CELF2: variants seen among roughly 807,000 people sequenced by gnomAD.
CELF2 encodes the protein CUG triplet repeat RNA-binding protein 2.
A neutral mutation model predicts 62.6 loss-of-function variants in CELF2; 8 were observed. The observed-to-expected ratio is 0.13, with a 90% confidence interval of 0.07 to 0.23. The LOEUF is 0.23. Among genes scored for constraint, CELF2 ranks in the 10% least tolerant of loss-of-function variants. CELF2 has a pLI of 1.00. For synonymous variants in CELF2, 258 were observed against 250.0 expected, an observed-to-expected ratio of 1.03 and a Z score of -0.30; for missense variants, 333 against 671.0, an observed-to-expected ratio of 0.50 and a Z score of 5.56.
the CELF2 span, among the ~76,000 whole-genome samples, chr10:10,731,232 A>C: frequency 1.2e-4 from 18 of 150,360 alleles, no homozygotes; most frequent in Non-Finnish European, 1.8e-4. Context: ...GGAAGCAAAG[A>C]TCCTGCAGAA....
At chr10:10,939,320 C>T (rs919166270) in intron 2 of CELF2, among the ~76,000 whole-genome samples, 9 of 143,646 alleles carry the variant, frequency 6.3e-5, no homozygotes, top group African/African-American at 9.0e-5. Flanking sequence ...CGGAGTCTCG[C>T]CTGTCACCCA....
chr10:10,590,709 T>C, the CELF2 span, among the ~76,000 whole-genome samples: 2 of 152,356 alleles, frequency 1.3e-5, no homozygotes, highest in Admixed American at 6.5e-5. Flanking sequence ...TCATGTTAGA[T>C]CTACCAGCAA....
the CELF2 span, among the ~76,000 whole-genome samples, chr10:10,607,407 A>G: frequency 6.6e-6 from 1 of 152,216 alleles, no homozygotes; most frequent in African/African-American, 2.4e-5. Context: ...TGTAGGTTCA[A>G]ACTACCAGTA....
At chr10:11,251,372 T>A (rs1442548375) in intron 4 of CELF2, among the ~76,000 whole-genome samples, 1 of 138,340 alleles carries the variant, frequency 7.2e-6, no homozygotes, top group Non-Finnish European at 1.5e-5. Context: ...GTTTGCAGAG[T>A]GTTTTGTTGT....
At chr10:10,787,850 G>A in the CELF2 span, among the ~76,000 whole-genome samples, 3 of 152,090 alleles carry the variant, frequency 2.0e-5, no homozygotes, top group African/African-American at 7.2e-5. Context: ...GTGTCCCAGA[G>A]ATGGCATGGC....
chr10:10,902,218 C>T (rs946054771), intron 1 of CELF2, among the ~76,000 whole-genome samples: 3 of 152,190 alleles, frequency 2.0e-5, no homozygotes, highest in Non-Finnish European at 4.4e-5. Flanking sequence ...CCATTTGATA[C>T]AGCTGTTCCA....
chr10:11,303,412 A>G (rs77001277), intron 9 of CELF2, among the ~76,000 whole-genome samples: 4,251 of 152,348 alleles, frequency 0.028, 66 homozygotes, highest in Non-Finnish European at 0.038. Context: ...ACTCTGGGGA[A>G]GAAGATGTTG....
intron 2 of CELF2, among the ~76,000 whole-genome samples, chr10:11,196,317 T>C (rs1329710687): frequency 6.6e-6 from 1 of 152,180 alleles, no homozygotes; most frequent in African/African-American, 2.4e-5. Flanking sequence ...CTAAAGAACA[T>C]AGATACCTGT....
At chr10:10,760,149 C>T in the CELF2 span, among the ~76,000 whole-genome samples, 11,183 of 152,206 alleles carry the variant, frequency 0.073, 455 homozygotes, top group African/African-American at 0.091. Flanking sequence ...GGTGATCCAC[C>T]CACCTCAGGC....
At chr10:11,153,155 C>T (rs78502571) in intron 1 of CELF2, among the ~76,000 whole-genome samples, 8,447 of 152,180 alleles carry the variant, frequency 0.056, 268 homozygotes, top group African/African-American at 0.088. Flanking sequence ...ATTTTTTTTG[C>T]TGTTGTTCAG....
chr10:11,119,864 T>TCTCCC (rs1399108400), intron 1 of CELF2, among the ~76,000 whole-genome samples: 53 of 112,132 alleles, frequency 4.7e-4, no homozygotes, highest in Non-Finnish European at 6.4e-4. Context: ...TGATTCCGCC[T>TCTCCC]CCCCCCCCCC....
chr10:10,531,442 G>A, the CELF2 span, among the ~76,000 whole-genome samples: 1 of 152,126 alleles, frequency 6.6e-6, no homozygotes, highest in Admixed American at 6.5e-5. Context: ...TTATTAAATC[G>A]TTCATAGGAC....
the CELF2 span, among the ~76,000 whole-genome samples, chr10:10,514,405 C>T: frequency 6.6e-6 from 1 of 152,084 alleles, no homozygotes; most frequent in Non-Finnish European, 1.5e-5. Flanking sequence ...TCTGTGGACT[C>T]AGCATAATTG....
the CELF2 span, among the ~76,000 whole-genome samples, chr10:10,623,732 T>G: frequency 6.6e-6 from 1 of 152,334 alleles, no homozygotes; most frequent in South Asian, 2.1e-4. Flanking sequence ...TAAAAAGAGC[T>G]TACGTTCACT....
In CELF2 at chr10:11,165,606, A is replaced by C; in HGVS notation, c.195A>C (p.Glu65Asp). The change falls in exon 2 of 13, where the codon GAA becomes GAC. Residue 65 changes from glutamate to aspartate, a missense_variant. Glu to Asp is a conservative substitution (Grantham distance 45). Transcript: ENST00000633077. This position sits in a 1 kb window ranked among gnomAD's most constrained non-coding sequence, Gnocchi z 7.4. ...PRSWSEKELK[E>D]LFEPYGAVYQ... ...CATGGTCGGAAAAGGAGCTGAAAGA[A>C]CTTTTTGAGCCTTACGGAGCCGTCT... 1 of 1,614,156 alleles carries C rather than the reference A, an allele frequency of 6.2e-7. No individual in the cohort carries two copies. The highest frequency in any genetic ancestry group is 1.3e-5 in the African/African-American group (1 of 75,024).
chr10:10,465,111 A>T, the CELF2 span, among the ~76,000 whole-genome samples: 2 of 152,152 alleles, frequency 1.3e-5, no homozygotes, highest in South Asian at 2.1e-4. Flanking sequence ...TATGGACAAA[A>T]ATATATATAA....
rs1238680732 is a variant in CELF2 at position 11,316,024 on chromosome 10, G to A, written c.1096+1766G>A. The stretch of plus-strand genomic sequence containing the variant: ...GTGTGTGTCCTCTCGTCTGCGTCCC[G>A]CCCTGTCCACGCTGCTCTGCTCTGC... On this transcript the variant is annotated intron_variant, in intron 10 of 12. Coordinates refer to ENST00000633077, the MANE Select transcript of CELF2 (RefSeq NM_001326342.2). The surrounding 1 kb of genome is among the most constrained non-coding windows in gnomAD (Gnocchi z 4.4). 1.3e-5 allele frequency among the ~76,000 whole-genome samples: 2 copies of A among 152,192 alleles called. No homozygotes were observed. Among genetic ancestry groups the A allele is most frequent in the Non-Finnish European group, 2.9e-5 (2 of 68,040 alleles).
chr10:10,465,142 G>T, the CELF2 span, among the ~76,000 whole-genome samples: 3 of 152,028 alleles, frequency 2.0e-5, no homozygotes, highest in Non-Finnish European at 4.4e-5. Context: ...AACATTAAAG[G>T]CAACATGAAA....
intron 1 of CELF2, among the ~76,000 whole-genome samples, chr10:10,874,307 G>A (rs2060948242): frequency 6.6e-6 from 1 of 152,132 alleles, no homozygotes; most frequent in African/African-American, 2.4e-5. Context: ...GACTTGAGTA[G>A]TGACAAAGTG....
Sources: gnomAD v4.1 joint callset for allele counts (sites outside exome capture counted in the v4.1 genomes callset) on GRCh38, gnomAD v4.1.1 for gene constraint, Gnocchi (gnomAD v3.1) non-coding constraint, MANE v1.5 for transcripts, NCBI Gene and HGNC (gene_info 2026-07-23, HGNC 2026-07-21) for gene names.